Variants in RFTN1 observed in about 807,000 individuals in gnomAD.
RFTN1 encodes the protein raftlin.
Under a neutral mutation model 46.5 loss-of-function variants are expected in RFTN1, and 26 were observed. The ratio of observed to expected loss-of-function variants is 0.56; its 90% confidence interval spans 0.41 to 0.78. The LOEUF (loss-of-function observed/expected upper bound fraction) is 0.78, where lower values mean the gene tolerates loss of function less well. Among genes scored for constraint, RFTN1 ranks in the 30% least tolerant of loss-of-function variants. RFTN1 has a pLI of 0.00. For synonymous variants in RFTN1, 261 were observed against 284.2 expected (o/e 0.92, Z 0.82); for missense variants, 693 against 718.7 (o/e 0.96, Z 0.41).
At position 16,460,937 on chromosome 3, in the gene RFTN1, T is replaced by C. The variant is rs1517521; in HGVS notation, c.146-26900A>G. Among the ~76,000 whole-genome samples, 28,868 of 152,134 alleles carry C rather than the reference T, an allele frequency of 0.19. 3,168 individuals carry two copies. Among genetic ancestry groups the C allele is most frequent in the African/African-American group, 0.29 (11,953 of 41,484 alleles). ...TTCAACAAATGACAGACAAAGCAGGTTTGGTCCCAATGTAAAATGAAGTCT... is the reference window on the plus strand; with the variant it reads ...TTCAACAAATGACAGACAAAGCAGGCTTGGTCCCAATGTAAAATGAAGTCT... On this transcript the variant is annotated intron_variant, in intron 2 of 9. Transcript: ENST00000334133. The surrounding 1 kb of genome is among the most constrained non-coding windows in gnomAD (Gnocchi z 4.8).
chr3:16,488,249 G>T (rs1365857823), intron 2 of RFTN1, among the ~76,000 whole-genome samples: 2 of 152,112 alleles, frequency 1.3e-5, no homozygotes, highest in Non-Finnish European at 2.9e-5. Flanking sequence ...ATAGGCATGT[G>T]CCACCATGTC....
Position 16,458,564 on chromosome 3 carries a change from C to A in RFTN1, c.146-24527G>T, listed in dbSNP as rs911334869. Among the ~76,000 whole-genome samples the A allele has an allele frequency of 2.0e-5, 3 of 152,058 alleles. No individual in the cohort carries two copies. Among genetic ancestry groups the A allele is most frequent in the Admixed American group, 6.5e-5 (1 of 15,272 alleles). ...ATAGTGGATCTTTATTGAGCTTTTCCATCTTTGTAAATCGTAAATTGTCCT... is the reference window on the plus strand; with the variant it reads ...ATAGTGGATCTTTATTGAGCTTTTCAATCTTTGTAAATCGTAAATTGTCCT... On this transcript the variant is annotated intron_variant, in intron 2 of 9. Transcript: ENST00000334133. This position sits in a 1 kb window ranked among gnomAD's most constrained non-coding sequence, Gnocchi z 5.1.
At chr3:16,318,601 T>G (rs2125166008) in intron 9 of RFTN1, among the ~76,000 whole-genome samples, 1 of 131,332 alleles carries the variant, frequency 7.6e-6, no homozygotes, top group South Asian at 2.4e-4. Context: ...ATTCTGAGAT[T>G]TAATACATTA....
Position 16,458,296 on chromosome 3 carries a change from AT to A in RFTN1, c.146-24260del. On this transcript the variant is annotated intron_variant, in intron 2 of 9. Coordinates refer to ENST00000334133, the MANE Select transcript of RFTN1 (RefSeq NM_015150.2). The surrounding 1 kb of genome is among the most constrained non-coding windows in gnomAD (Gnocchi z 5.1). The stretch of plus-strand genomic sequence containing the variant: ...CCAGCAGGGGCAAGCATGGAAATAG[AT>A]TGCTGCAGCATGTTCTGCTGTATTA... Among the ~76,000 whole-genome samples the A allele has an allele frequency of 6.6e-6, 1 of 152,288 alleles. No homozygotes were observed. The highest frequency in any genetic ancestry group is 3.4e-3 in the Middle Eastern group (1 of 292).
rs928045390 is a variant in RFTN1, at chr3:16,361,088, C to G, written c.1031-3041G>C. Among the ~76,000 whole-genome samples, 1 of 152,188 alleles carries G rather than the reference C, an allele frequency of 6.6e-6. No homozygotes were observed. Among genetic ancestry groups the G allele is most frequent in the African/African-American group, 2.4e-5 (1 of 41,438 alleles). ...GACAACACAAATGACAAAGAATTTC[C>G]TTTTTCTCTCCTCTACAAGGCTCTT... On this transcript the variant is annotated intron_variant, in intron 6 of 9. Transcript: ENST00000334133. The surrounding 1 kb of genome is among the most constrained non-coding windows in gnomAD (Gnocchi z 4.3).
chr3:16,409,315 C>A, intron 4 of RFTN1, 60 bp downstream of exon 4: 1 of 1,143,594 alleles, frequency 8.7e-7, no homozygotes, highest in South Asian at 1.2e-5. Flanking sequence ...AGCTACCTGC[C>A]TGTTCACTCA....
At position 16,337,537 on chromosome 3, in the gene RFTN1, A is replaced by T. The variant is rs1308018264; in HGVS notation, c.1147-10661T>A. On this transcript the variant is annotated intron_variant, in intron 7 of 9. Transcript: ENST00000334133. The surrounding 1 kb of genome is among the most constrained non-coding windows in gnomAD (Gnocchi z 5.0). ...GGTGGGTGGATCATGAGGTCAGGAG[A>T]TCGAGACCACCCTGGCCAACATGGT... 6.6e-6 allele frequency among the ~76,000 whole-genome samples: 1 copy of T among 151,828 alleles called. No individual in the cohort carries two copies. Among genetic ancestry groups the T allele is most frequent in the Non-Finnish European group, 1.5e-5 (1 of 67,974 alleles).
Position 16,358,035 on chromosome 3 carries a change from C to A in RFTN1, c.1043G>T (p.Gly348Val). The change falls in exon 7 of 10, where the codon GGC becomes GTC. Residue 348 changes from glycine to valine, a missense_variant. Physicochemically the swap from Gly to Val is moderately radical, Grantham distance 109. Transcript: ENST00000334133. ...YLGIVNDSLH[G>V]LTDGVFIFEA... is the part of the protein sequence containing the mutation. Reference sequence around the variant, plus strand: ...AAAGATGAATACTCCATCTGTCAAGCCATGTAAGGAATCTGTGGAAAAAGA... The same window carrying A: ...AAAGATGAATACTCCATCTGTCAAGACATGTAAGGAATCTGTGGAAAAAGA... 1.3e-6 allele frequency: 2 copies of A among 1,577,906 alleles called. No homozygotes were observed. Among genetic ancestry groups the A allele is most frequent in the Non-Finnish European group, 1.7e-6 (2 of 1,151,748 alleles).
In RFTN1 at chr3:16,410,415, ATGGG is replaced by A. The variant is rs2074961223; in HGVS notation, c.333-936_333-933del. ...GGGGATGGGGATGGGTGGTGATGGTATGGGTGTGGGGGTGGTGATCAAAAGTGAA... is the reference window on the plus strand; with the variant it reads ...GGGGATGGGGATGGGTGGTGATGGTATGTGGGGGTGGTGATCAAAAGTGAA... On this transcript the variant is annotated intron_variant, in intron 3 of 9. Transcript: ENST00000334133. The surrounding 1 kb of genome is among the most constrained non-coding windows in gnomAD (Gnocchi z 4.6). Among the ~76,000 whole-genome samples, 1 of 152,090 alleles carries A rather than the reference ATGGG, an allele frequency of 6.6e-6. No individual in the cohort carries two copies. Among genetic ancestry groups the A allele is most frequent in the South Asian group, 2.1e-4 (1 of 4,826 alleles).
intron 4 of RFTN1, among the ~76,000 whole-genome samples, chr3:16,403,369 G>A (rs2074653972): frequency 6.6e-6 from 1 of 151,240 alleles, no homozygotes; most frequent in Non-Finnish European, 1.5e-5. Context: ...TTCTTCATCT[G>A]TCAAATGAGG....
intron 4 of RFTN1, among the ~76,000 whole-genome samples, chr3:16,405,327 A>T (rs997915379): frequency 6.6e-6 from 1 of 152,152 alleles, no homozygotes; most frequent in African/African-American, 2.4e-5. Flanking sequence ...AAGTCTCTCC[A>T]AGTCTGCCCA....
rs76152506 is a variant in RFTN1 at position 16,486,830 on chromosome 3, C to T, written c.145+6895G>A. 9.6e-4 allele frequency among the ~76,000 whole-genome samples: 147 copies of T among 152,346 alleles called. 1 individual carries two copies. The Middle Eastern group carries it at 0.01, about 11-fold the overall frequency. ...ATCATCCTAACCCCTAAAGTGACTA[C>T]ATTTGGAGTAAGAAAGTAATGAAGG... On this transcript the variant is annotated intron_variant, in intron 2 of 9. Transcript: ENST00000334133.
chr3:16,407,312 A>G lies in RFTN1; in HGVS notation c.441+2063T>C, dbSNP rs1246795614. 6.6e-6 allele frequency among the ~76,000 whole-genome samples: 1 copy of G among 152,052 alleles called. No homozygotes were observed. Among genetic ancestry groups the G allele is most frequent in the East Asian group, 1.9e-4 (1 of 5,194 alleles). On this transcript the variant is annotated intron_variant, in intron 4 of 9. Transcript: ENST00000334133. The surrounding 1 kb of genome is among the most constrained non-coding windows in gnomAD (Gnocchi z 4.0). Reference sequence around the variant, plus strand: ...ATTCTCTCGCCTCAGCCTCTAGAGTAGCTAGGACTATAGTCAAGCACCACC... The same window carrying G: ...ATTCTCTCGCCTCAGCCTCTAGAGTGGCTAGGACTATAGTCAAGCACCACC...
At chr3:16,495,394 G>C (rs978883397) in intron 1 of RFTN1, among the ~76,000 whole-genome samples, 2 of 152,240 alleles carry the variant, frequency 1.3e-5, no homozygotes, top group Non-Finnish European at 2.9e-5. Context: ...GAGCCCAAAG[G>C]CTCGCCAAGT....
At chr3:16,333,982 G>C (rs541493668) in intron 7 of RFTN1, among the ~76,000 whole-genome samples, 1 of 152,134 alleles carries the variant, frequency 6.6e-6, no homozygotes, top group African/African-American at 2.4e-5. Context: ...GGGCTAACAC[G>C]GTGAAACCCC....
At chr3:16,358,090 C>T (rs1559855759) in intron 6 of RFTN1, 43 bp from the exon 7 acceptor site, 1 of 1,069,260 alleles carries the variant, frequency 9.4e-7, no homozygotes, top group Non-Finnish European at 1.5e-6. Flanking sequence ...GGTCTGTAAA[C>T]CGTCTGTGGC....
In RFTN1 at chr3:16,433,340, T is replaced by C. The variant is rs978548395; in HGVS notation, c.332+511A>G. Among the ~76,000 whole-genome samples, 5 of 152,190 alleles carry C rather than the reference T, an allele frequency of 3.3e-5. No homozygotes were observed. The highest frequency in any genetic ancestry group is 5.9e-5 in the Non-Finnish European group (4 of 68,028). On this transcript the variant is annotated intron_variant, in intron 3 of 9. Transcript: ENST00000334133. This position sits in a 1 kb window ranked among gnomAD's most constrained non-coding sequence, Gnocchi z 4.4. Reference sequence around the variant, plus strand: ...ATCTAAATCAAGACCAAACCAATTATAGCATTTTATTTAGGTGGTGTTTAT... The same window carrying C: ...ATCTAAATCAAGACCAAACCAATTACAGCATTTTATTTAGGTGGTGTTTAT...
intron 6 of RFTN1, among the ~76,000 whole-genome samples, chr3:16,365,410 C>T (rs1054919510): frequency 2.0e-5 from 3 of 151,944 alleles, no homozygotes; most frequent in African/African-American, 4.8e-5. Context: ...GGGTTGGTTG[C>T]GAGTATGTCT....
At chr3:16,333,768 A>C (rs1364224424) in intron 7 of RFTN1, among the ~76,000 whole-genome samples, 1 of 152,216 alleles carries the variant, frequency 6.6e-6, no homozygotes, top group African/African-American at 2.4e-5. Context: ...AAAATCCAAT[A>C]ATCCAAATTT....
Sources: gnomAD v4.1 joint callset for allele counts (sites outside exome capture counted in the v4.1 genomes callset) on GRCh38, gnomAD v4.1.1 for gene constraint, Gnocchi (gnomAD v3.1) non-coding constraint, MANE v1.5 for transcripts, NCBI Gene and HGNC (gene_info 2026-07-23, HGNC 2026-07-21) for gene names.